RASEF: variants seen among roughly 807,000 people sequenced by gnomAD.
RASEF encodes ras and EF-hand domain-containing protein.
RASEF carries 68 observed loss-of-function variants against 90.1 expected under a neutral mutation model. The observed-to-expected ratio is 0.75, with a 90% CI of 0.62 to 0.92. The LOEUF (loss-of-function observed/expected upper bound fraction) is 0.92, where lower values mean the gene tolerates loss of function less well. RASEF is among the 40% of genes least tolerant of loss of function. The pLI, the probability that RASEF is intolerant of heterozygous loss-of-function variation, is 0.00. For synonymous variants in RASEF, 331 were observed against 345.2 expected (o/e 0.96, Z 0.46); for missense variants, 949 against 937.2 (o/e 1.01, Z -0.16).
At chr9:83,015,946 C>A in intron 3 of RASEF, 46 bp from the exon 4 acceptor site, 1 of 1,439,622 alleles carries the variant, frequency 6.9e-7, no homozygotes, top group Non-Finnish European at 9.7e-7. Context: ...AGTTCACCCT[C>A]TTAACCTTCA....
chr9:83,184,036 A>G, the RASEF span, among the ~76,000 whole-genome samples: 25 of 152,188 alleles, frequency 1.6e-4, no homozygotes, highest in African/African-American at 5.8e-4. Context: ...CTGCTGGTCT[A>G]CGGACCACAC....
chr9:83,056,637 C>T (rs965419369), intron 1 of RASEF, among the ~76,000 whole-genome samples: 2 of 152,216 alleles, frequency 1.3e-5, no homozygotes, highest in African/African-American at 2.4e-5. Context: ...GATTTGTACA[C>T]GCTTAAAGAG....
chr9:83,000,017 ACACACACACAC>A lies in RASEF; in HGVS notation c.1723+141_1723+151del, dbSNP rs1262367931. ...CACACACACACACACACACACACACACACACACACACACACACACATTTATATATGTGTGCA... is the reference window on the plus strand; with the variant it reads ...CACACACACACACACACACACACACAACACACACATTTATATATGTGTGCA... On this transcript the variant is annotated intron_variant, in intron 12 of 16. Coordinates refer to ENST00000376447, the MANE Select transcript of RASEF (RefSeq NM_152573.4). 588 of 651,238 alleles carry A rather than the reference ACACACACACAC, an allele frequency of 9.0e-4. 7 individuals carry two copies. In the African/African-American group the frequency reaches 0.01, roughly 11 times the overall value. The allele number at this position is 651,238 out of a possible 1,614,324, so 40.3% of individuals were successfully genotyped here.
the RASEF span, among the ~76,000 whole-genome samples, chr9:83,097,024 G>A: frequency 6.6e-6 from 1 of 152,000 alleles, no homozygotes; most frequent in African/African-American, 2.4e-5. Flanking sequence ...TCTTAATCCA[G>A]TCTATCATTG....
chr9:83,119,803 C>A, the RASEF span, among the ~76,000 whole-genome samples: 1 of 152,166 alleles, frequency 6.6e-6, no homozygotes, highest in South Asian at 2.1e-4. Flanking sequence ...GAATGGGTCT[C>A]ATGAGATCTG....
At chr9:82,984,409 C>T (rs1029738969) in intron 16 of RASEF, among the ~76,000 whole-genome samples, 2 of 152,120 alleles carry the variant, frequency 1.3e-5, no homozygotes, top group African/African-American at 4.8e-5. Context: ...CTGATAAATC[C>T]TACCTTTCGA....
At chr9:83,201,515 T>A in the RASEF span, among the ~76,000 whole-genome samples, 1 of 152,296 alleles carries the variant, frequency 6.6e-6, no homozygotes, top group East Asian at 1.9e-4. Flanking sequence ...ATTTCAGAAT[T>A]TTTAAAAAAT....
the RASEF span, among the ~76,000 whole-genome samples, chr9:83,119,986 C>A: frequency 6.6e-6 from 1 of 152,192 alleles, no homozygotes; most frequent in East Asian, 1.9e-4. Context: ...AAGAAGAACG[C>A]GTGCTTGTAA....
At chr9:83,166,368 A>G in the RASEF span, among the ~76,000 whole-genome samples, 413 of 152,276 alleles carry the variant, frequency 2.7e-3, 1 homozygote, top group Admixed American at 5.6e-3. Context: ...GTACAGACAC[A>G]CTAGGAGAAA....
the RASEF span, among the ~76,000 whole-genome samples, chr9:83,089,300 T>C: frequency 6.6e-6 from 1 of 152,030 alleles, no homozygotes; most frequent in Non-Finnish European, 1.5e-5. Context: ...AAAAATAAGA[T>C]AGAAATAAAA....
chr9:83,054,554 C>T (rs946852041), intron 1 of RASEF: 1 of 148,750 alleles, frequency 6.7e-6, no homozygotes, highest in Non-Finnish European at 1.5e-5. Flanking sequence ...TCGTCAAAAT[C>T]ATTTTCCATC....
chr9:83,195,606 C>A, the RASEF span, among the ~76,000 whole-genome samples: 1 of 152,086 alleles, frequency 6.6e-6, no homozygotes, highest in East Asian at 1.9e-4. Context: ...GATTTTCTGC[C>A]CTCATGGAGC....
rs191104615 is a variant in RASEF at position 82,995,721 on chromosome 9, T to C, written c.1920+1291A>G. On this transcript the variant is annotated intron_variant, in intron 14 of 16. Transcript: ENST00000376447. The stretch of plus-strand genomic sequence containing the variant: ...TTGACTACCCAAAGTGCTGGAATTA[T>C]AGTCCTTGGGATTCCTTCTTGATAT... 5.2e-3 allele frequency among the ~76,000 whole-genome samples: 799 copies of C among 152,302 alleles called. 5 individuals are homozygous for C. Among genetic ancestry groups the C allele is most frequent in the African/African-American group, 0.018 (752 of 41,574 alleles).
Position 82,982,756 on chromosome 9 carries a change from T to C in RASEF, c.2144A>G (p.Asp715Gly). ...AREVKKRTDK[D>G]DSRSITNLTG... ...TAGATTGGTAATGGATCTGCTGTCA[T>C]CCTTGTCAGTTCTCTTTTTCACTTC... Residue 715 changes from aspartate to glycine, a missense_variant, in exon 17 of 17, where the codon GAT becomes GGT. This residue lies in a region of RASEF where 288 missense variants were observed against 328.4 expected (regional missense o/e 0.88). Coordinates refer to ENST00000376447, the MANE Select transcript of RASEF (RefSeq NM_152573.4). 2 of 1,604,350 alleles carry C rather than the reference T, an allele frequency of 1.2e-6. No homozygotes were observed. Among genetic ancestry groups the C allele is most frequent in the Non-Finnish European group, 1.7e-6 (2 of 1,171,316 alleles).
At chr9:83,165,543 A>T in the RASEF span, among the ~76,000 whole-genome samples, 1 of 152,166 alleles carries the variant, frequency 6.6e-6, no homozygotes, top group African/African-American at 2.4e-5. Flanking sequence ...GGCTTATATT[A>T]GAAATGAAGA....
intron 3 of RASEF, among the ~76,000 whole-genome samples, chr9:83,019,881 G>A (rs949600519): frequency 2.6e-5 from 4 of 152,184 alleles, no homozygotes; most frequent in East Asian, 1.9e-4. Context: ...AATCTACAGC[G>A]ACAGAAAATA....
chr9:83,062,494 C>T lies in RASEF; in HGVS notation c.374G>A (p.Gly125Asp). Residue 125 changes from glycine to aspartate, a missense_variant, in exon 1 of 17, where the codon GGC becomes GAC. Coordinates refer to ENST00000376447, the MANE Select transcript of RASEF (RefSeq NM_152573.4). Reference protein sequence around the residue: ...LATSCGPASPGRAWQDFQARL... With the variant: ...LATSCGPASPDRAWQDFQARL... ...CGCCTGGAAATCCTGCCAAGCCCGG[C>T]CGGGACTCGCCGGGCCGCACGAGGT... 6.2e-7 allele frequency: 1 copy of T among 1,611,574 alleles called. No homozygotes were observed. The highest frequency in any genetic ancestry group is 8.5e-7 in the Non-Finnish European group (1 of 1,179,290).
At chr9:83,015,939 T>C in intron 3 of RASEF, 39 bp from the exon 4 acceptor site, 1 of 1,499,924 alleles carries the variant, frequency 6.7e-7, no homozygotes. Flanking sequence ...TTAAATAAGT[T>C]CACCCTCTTA....
the RASEF span, among the ~76,000 whole-genome samples, chr9:83,096,780 C>G: frequency 1.3e-5 from 2 of 151,984 alleles, no homozygotes; most frequent in Admixed American, 6.6e-5. Context: ...ATCCCTCCCC[C>G]CTCCACCCAC....
Sources: allele counts gnomAD v4.1 joint callset (sites outside exome capture counted in the v4.1 genomes callset), GRCh38; gene constraint gnomAD v4.1.1; regional missense constraint gnomAD v4.1.1; transcripts MANE v1.5; gene names NCBI Gene and HGNC (gene_info 2026-07-23, HGNC 2026-07-21).